The following SOX5 variants were observed in gnomAD, a reference collection of about 807,000 sequenced individuals.
The protein encoded by SOX5 is SRY-box transcription factor 5.
SOX5 carries 9 observed loss-of-function variants against 92.0 expected under a neutral mutation model. The observed-to-expected ratio is 0.10, with a 90% CI of 0.06 to 0.17. The LOEUF (loss-of-function observed/expected upper bound fraction) is 0.17. Ranked by LOEUF, SOX5 falls within the 10% of genes least tolerant of loss-of-function variation. SOX5 has a pLI of 1.00. For synonymous variants in SOX5, 344 were observed against 336.3 expected, an observed-to-expected ratio of 1.02 and a Z score of -0.25; for missense variants, 642 against 944.5, an observed-to-expected ratio of 0.68 and a Z score of 4.20.
chr12:23,691,427 G>GGAA (rs1289961081), intron 6 of SOX5, among the ~76,000 whole-genome samples: 1 of 152,044 alleles, frequency 6.6e-6, no homozygotes, highest in South Asian at 2.1e-4. Flanking sequence ...CCTACTATCT[G>GGAA]GAAGAGTATG....
intron 1 of SOX5, among the ~76,000 whole-genome samples, chr12:24,409,851 T>C (rs1007674061): frequency 6.6e-6 from 1 of 152,236 alleles, no homozygotes; most frequent in Admixed American, 6.5e-5. Context: ...TGGATTTCTC[T>C]TTTTTACTAT....
chr12:23,801,873 A>T (rs940826464), intron 3 of SOX5, among the ~76,000 whole-genome samples: 1 of 152,090 alleles, frequency 6.6e-6, no homozygotes, highest in Admixed American at 6.6e-5. Flanking sequence ...CTTGACTACT[A>T]CTGTTTCTTA....
chr12:23,558,945 A>G (rs1945725075), intron 11 of SOX5, among the ~76,000 whole-genome samples: 1 of 152,192 alleles, frequency 6.6e-6, no homozygotes, highest in Admixed American at 6.5e-5. Flanking sequence ...TTCCTGATAC[A>G]TGTAGCGAAA....
chr12:23,641,929 TA>T (rs2138759399), intron 7 of SOX5, among the ~76,000 whole-genome samples: 1 of 152,334 alleles, frequency 6.6e-6, no homozygotes, highest in Admixed American at 6.5e-5. Flanking sequence ...ATTTATTGAG[TA>T]CCTGCTATGT....
At chr12:24,537,265 A>G (rs1436816452) in intron 1 of SOX5, among the ~76,000 whole-genome samples, 1 of 152,228 alleles carries the variant, frequency 6.6e-6, no homozygotes, top group Non-Finnish European at 1.5e-5. Context: ...AGCTGATAAG[A>G]ACAACCAAAG....
Position 24,335,613 on chromosome 12 carries a change from G to A in SOX5, c.-174+32950C>T, listed in dbSNP as rs367847609. Among the ~76,000 whole-genome samples the A allele has an allele frequency of 3.9e-5, 6 of 152,008 alleles. No homozygotes were observed. In the East Asian group the frequency reaches 5.8e-4, roughly 15 times the overall value. ...AGGACCTTAACGACCATGCTGTCCC[G>A]TTTAAAATGCAAATATCCTTGGAGG... On this transcript the variant is annotated intron_variant, in intron 2 of 4. Transcript: ENST00000446891.
intron 4 of SOX5, among the ~76,000 whole-genome samples, chr12:23,752,554 T>C (rs139666239): frequency 1.5e-4 from 23 of 151,982 alleles, no homozygotes; most frequent in Admixed American, 3.9e-4. Flanking sequence ...ATGCAATGAA[T>C]GACCTTCGGT....
At chr12:24,506,387 C>A (rs1948741630) in intron 1 of SOX5, among the ~76,000 whole-genome samples, 13 of 129,674 alleles carry the variant, frequency 1.0e-4, no homozygotes, top group African/African-American at 1.8e-4. Flanking sequence ...ACAAATGTTC[C>A]AAGAGGCACA....
intron 1 of SOX5, among the ~76,000 whole-genome samples, chr12:24,539,074 T>C (rs993614800): frequency 6.6e-6 from 1 of 152,104 alleles, no homozygotes; most frequent in Non-Finnish European, 1.5e-5. Flanking sequence ...TTCAGTATGA[T>C]TTAGTCCCCC....
At chr12:23,964,716 A>T (rs979146160) in intron 4 of SOX5, among the ~76,000 whole-genome samples, 2 of 152,226 alleles carry the variant, frequency 1.3e-5, no homozygotes, top group Non-Finnish European at 2.9e-5. Flanking sequence ...TTTTCCAAGC[A>T]TCTAAAATCG....
intron 2 of SOX5, among the ~76,000 whole-genome samples, chr12:23,879,677 G>A (rs1337437082): frequency 6.6e-6 from 1 of 152,154 alleles, no homozygotes; most frequent in Non-Finnish European, 1.5e-5. Flanking sequence ...GAAGGAGACA[G>A]TGAGTAGGAG....
intron 6 of SOX5, among the ~76,000 whole-genome samples, chr12:23,680,607 C>T (rs1593228677): frequency 6.6e-6 from 1 of 151,892 alleles, no homozygotes; most frequent in East Asian, 1.9e-4. Flanking sequence ...AAATTAATGA[C>T]TGATAACTTT....
chr12:23,847,347 T>C (rs1237014132), intron 2 of SOX5, among the ~76,000 whole-genome samples: 1 of 152,168 alleles, frequency 6.6e-6, no homozygotes, highest in Admixed American at 6.5e-5. Context: ...TATTAGATTA[T>C]ACCTGTTTGC....
At chr12:23,859,732 A>G (rs1280590632) in intron 2 of SOX5, among the ~76,000 whole-genome samples, 1 of 152,140 alleles carries the variant, frequency 6.6e-6, no homozygotes, top group East Asian at 1.9e-4. Flanking sequence ...ATCTGCTGAT[A>G]TGTGATGTCA....
At chr12:23,796,115 A>C (rs2095557580) in intron 3 of SOX5, among the ~76,000 whole-genome samples, 2 of 152,172 alleles carry the variant, frequency 1.3e-5, no homozygotes, top group South Asian at 4.1e-4. Flanking sequence ...AGTTATGATG[A>C]ACACTTTTAA....
intron 4 of SOX5, among the ~76,000 whole-genome samples, chr12:24,107,672 C>T (rs572204427): frequency 2.0e-5 from 3 of 152,054 alleles, no homozygotes; most frequent in Non-Finnish European, 2.9e-5. Context: ...GCATCTTTAA[C>T]GTAAGAGGAT....
In SOX5 at chr12:23,974,457, G is replaced by GA. The variant is rs1313764431; in HGVS notation, c.-1-78434dup. Among the ~76,000 whole-genome samples the GA allele has an allele frequency of 1.3e-4, 19 of 151,820 alleles. No homozygotes were observed. In the South Asian group the frequency reaches 1.7e-3, roughly 13 times the overall value. On this transcript the variant is annotated intron_variant, in intron 4 of 4. Transcript: ENST00000446891. Reference sequence around the variant, plus strand: ...TCTACTCTCATTCCAATGTAAAAGAGAAAAAAAATCGCCAAAATACAATCT... The same window carrying GA: ...TCTACTCTCATTCCAATGTAAAAGAGAAAAAAAAATCGCCAAAATACAATCT...
At chr12:24,164,991 T>C (rs959891790) in intron 4 of SOX5, among the ~76,000 whole-genome samples, 1 of 152,008 alleles carries the variant, frequency 6.6e-6, no homozygotes, top group Non-Finnish European at 1.5e-5. Context: ...TTTAAAGGCA[T>C]TTTTTTAGTA....
At chr12:23,627,876 G>C (rs1037655572) in intron 8 of SOX5, among the ~76,000 whole-genome samples, 2 of 151,262 alleles carry the variant, frequency 1.3e-5, no homozygotes, top group Non-Finnish European at 3.0e-5. Flanking sequence ...TTATCTAACT[G>C]GTTACTCACT....
Sources: gnomAD v4.1 joint callset for allele counts (sites outside exome capture counted in the v4.1 genomes callset) on GRCh38, gnomAD v4.1.1 for gene constraint, MANE v1.5 for transcripts, NCBI Gene and HGNC (gene_info 2026-07-23, HGNC 2026-07-21) for gene names.